Variants in GARS1 observed in about 807,000 individuals in gnomAD.
GARS1 encodes the protein glycine--tRNA ligase.
In GARS1, 46 loss-of-function variants were observed where a neutral mutation model predicts 86.4. The observed-to-expected ratio is 0.53, with a 90% CI of 0.42 to 0.68. GARS1 has a LOEUF of 0.68. GARS1 is among the 30% of genes least tolerant of loss of function. GARS1 has a pLI of 0.00. For synonymous variants in GARS1, 342 were observed against 329.8 expected, an observed-to-expected ratio of 1.04 and a Z score of -0.40; for missense variants, 797 against 915.6, an observed-to-expected ratio of 0.87 and a Z score of 1.67.
chr7:30,624,543 G>A (rs1783088213), intron 12 of GARS1, among the ~76,000 whole-genome samples: 1 of 152,066 alleles, frequency 6.6e-6, no homozygotes, highest in Non-Finnish European at 1.5e-5. Flanking sequence ...GTGAAATGGT[G>A]TAATATTACT....
chr7:30,611,713 A>G (rs754307216), intron 7 of GARS1, among the ~76,000 whole-genome samples: 21 of 152,062 alleles, frequency 1.4e-4, no homozygotes, highest in African/African-American at 5.1e-4. Context: ...CGAACTCCCA[A>G]CCTCAGGTGA....
intron 12 of GARS1, among the ~76,000 whole-genome samples, chr7:30,624,515 G>T (rs1489542419): frequency 6.6e-6 from 1 of 152,150 alleles, no homozygotes; most frequent in Non-Finnish European, 1.5e-5. Flanking sequence ...ATACTCTTGT[G>T]AGGTGTATAC....
At chr7:30,627,307 G>A (rs1164941820) in intron 13 of GARS1, 1 of 203,934 alleles carries the variant, frequency 4.9e-6, no homozygotes, top group African/African-American at 2.4e-5. Context: ...TCACAGTCTG[G>A]GGCTTTATAG....
intron 10 of GARS1, among the ~76,000 whole-genome samples, chr7:30,617,852 G>A (rs1038679555): frequency 1.3e-5 from 2 of 152,152 alleles, no homozygotes; most frequent in African/African-American, 4.8e-5. Context: ...GTATTGAAGC[G>A]GAGGGACGAA....
Position 30,607,511 on chromosome 7 carries a change from C to T in GARS1, c.736-2074C>T, listed in dbSNP as rs1791507582. 2.1e-5 allele frequency among the ~76,000 whole-genome samples: 3 copies of T among 141,584 alleles called. No individual in the cohort carries two copies. The South Asian group carries it at 6.5e-4, about 31-fold the overall frequency. The allele number at this position is 141,584 out of a possible 152,430, so 92.9% of individuals were successfully genotyped here. ...GAATTGAACAATGAGAACACATGGACACAGGGTGGGGAACATCATACACCT... is the reference window on the plus strand; with the variant it reads ...GAATTGAACAATGAGAACACATGGATACAGGGTGGGGAACATCATACACCT... On this transcript the variant is annotated intron_variant, in intron 6 of 16. Transcript: ENST00000389266.
chr7:30,619,148 A>G (rs1420818627), intron 10 of GARS1, among the ~76,000 whole-genome samples: 4 of 152,224 alleles, frequency 2.6e-5, no homozygotes, highest in African/African-American at 9.6e-5. Context: ...AGGCTGGGAT[A>G]TAAACCTGGC....
In GARS1 at chr7:30,609,424, G is replaced by A. The variant is rs538556246; in HGVS notation, c.736-161G>A. On this transcript the variant is annotated intron_variant, in intron 6 of 16. Coordinates refer to ENST00000389266, the MANE Select transcript of GARS1 (RefSeq NM_002047.4). Reference sequence around the variant, plus strand: ...TTGATAAATGGAAAGTGAATAAATTGGTTATGGTTTTAATGTGGGTGTCCT... The same window carrying A: ...TTGATAAATGGAAAGTGAATAAATTAGTTATGGTTTTAATGTGGGTGTCCT... Among the ~76,000 whole-genome samples, 27 of 152,240 alleles carry A rather than the reference G, an allele frequency of 1.8e-4. No homozygotes were observed. In the South Asian group the frequency reaches 3.5e-3, roughly 20 times the overall value.
At chr7:30,617,406 C>A in intron 10 of GARS1, 128 bp downstream of exon 10, 4 of 1,177,502 alleles carry the variant, frequency 3.4e-6, no homozygotes, top group Non-Finnish European at 4.9e-6. Context: ...TTTTCCTGAG[C>A]AAAACAGAAA....
At chr7:30,614,106 A>C (rs1370541360) in intron 8 of GARS1, 2 of 152,196 alleles carry the variant, frequency 1.3e-5, no homozygotes, top group African/African-American at 4.8e-5. Context: ...ATTATTGATG[A>C]GTAAATTTTG....
intron 14 of GARS1, among the ~76,000 whole-genome samples, chr7:30,629,855 T>G (rs1214917697): frequency 6.6e-6 from 1 of 152,244 alleles, no homozygotes; most frequent in East Asian, 1.9e-4. Flanking sequence ...CATGTGTTCT[T>G]TTTAGATGTC....
chr7:30,611,364 A>G (rs1439880280), intron 7 of GARS1, among the ~76,000 whole-genome samples: 1 of 152,250 alleles, frequency 6.6e-6, no homozygotes, highest in Non-Finnish European at 1.5e-5. Flanking sequence ...GTGGGTTAAC[A>G]GGGCTAAACA....
chr7:30,621,054 C>CTT (rs749336250), intron 10 of GARS1, among the ~76,000 whole-genome samples: 3 of 128,736 alleles, frequency 2.3e-5, no homozygotes, highest in African/African-American at 8.8e-5. Flanking sequence ...TTTTTTCTTT[C>CTT]TTTTTTTTTT....
At chr7:30,633,644 C>A in intron 16 of GARS1, 91 bp from the exon 17 acceptor site, 1 of 1,472,646 alleles carries the variant, frequency 6.8e-7, no homozygotes, top group Non-Finnish European at 9.4e-7. Context: ...TTGTTTGGCT[C>A]TGTGTAAGGT....
At chr7:30,631,172 C>G in intron 14 of GARS1, 4 of 355,480 alleles carry the variant, frequency 1.1e-5, no homozygotes, top group South Asian at 1.0e-4. Flanking sequence ...GTGAAGCAAG[C>G]AGAGCAGGTG....
In GARS1 at chr7:30,609,568, C is replaced by A; in HGVS notation, c.736-17C>A. On this transcript the variant is annotated splice_polypyrimidine_tract_variant and intron_variant, in intron 6 of 16. Coordinates refer to ENST00000389266, the MANE Select transcript of GARS1 (RefSeq NM_002047.4). ...TTTTCTCTGTCTTTTACACTAATTT[C>A]TTTATATGTCTTTTAGCTTGATAAC... 3 of 1,607,978 alleles carry A rather than the reference C, an allele frequency of 1.9e-6. No individual in the cohort carries two copies. Among genetic ancestry groups the A allele is most frequent in the Non-Finnish European group, 2.6e-6 (3 of 1,175,036 alleles).
chr7:30,598,815 T>G lies in GARS1; in HGVS notation c.242T>G (p.Leu81Arg). The change falls in exon 2 of 17, where the codon CTC becomes CGC. Residue 81 changes from leucine (L) to arginine (R), a missense_variant. This residue lies in a region of GARS1 where 199 missense variants were observed against 176.9 expected (regional missense o/e 1.12). Coordinates refer to ENST00000389266, the MANE Select transcript of GARS1 (RefSeq NM_002047.4). ...GGCTAGGGAGATCTTGTGCGAAAAC[T>G]CAAAGAAGATAAAGCACCCCAAGTA... ...VRQQGDLVRK[L>R]KEDKAPQVDV... 6.2e-7 allele frequency: 1 copy of G among 1,614,022 alleles called. No homozygotes were observed. The highest frequency in any genetic ancestry group is 8.5e-7 in the Non-Finnish European group (1 of 1,179,910).
At chr7:30,628,532 T>G (rs1371305048) in intron 13 of GARS1, 28 bp from the exon 14 acceptor site, 1 of 1,451,884 alleles carries the variant, frequency 6.9e-7, no homozygotes. Context: ...TTTGAGAGAA[T>G]GTTATTGAAT....
Position 30,598,979 on chromosome 7 carries a change from G to C in GARS1, c.324+82G>C, listed in dbSNP as rs902406727. The C allele has an allele frequency of 3.6e-6, 4 of 1,112,564 alleles. No individual in the cohort carries two copies. The African/African-American group carries it at 6.2e-5, about 17-fold the overall frequency. 68.9% of individuals were successfully genotyped at this position (1,112,564 alleles called of 1,614,324 possible). A position where few individuals can be genotyped will look rare whatever the true frequency, so the allele number is the denominator to read the frequency against. Reference sequence around the variant, plus strand: ...AATTTCTTTGGATGGGAGAGACCTAGAAAAGTTTCTGAACAAGTATCATTT... The same window carrying C: ...AATTTCTTTGGATGGGAGAGACCTACAAAAGTTTCTGAACAAGTATCATTT... On this transcript the variant is annotated intron_variant, in intron 2 of 16. Coordinates refer to ENST00000389266, the MANE Select transcript of GARS1 (RefSeq NM_002047.4).
At chr7:30,606,488 A>C (rs1322785877) in intron 6 of GARS1, among the ~76,000 whole-genome samples, 1 of 152,168 alleles carries the variant, frequency 6.6e-6, no homozygotes. Flanking sequence ...TCAGAAATGC[A>C]CGAGTTCCTG....
Sources: allele counts gnomAD v4.1 joint callset (sites outside exome capture counted in the v4.1 genomes callset), GRCh38; gene constraint gnomAD v4.1.1; regional missense constraint gnomAD v4.1.1; transcripts MANE v1.5; gene names NCBI Gene and HGNC (gene_info 2026-07-23, HGNC 2026-07-21).